USO1: variants seen among roughly 807,000 people sequenced by gnomAD.
USO1 encodes the protein USO1 vesicle transport factor, also known as general vesicular transport factor p115.
In USO1, 57 loss-of-function variants were observed where a neutral mutation model predicts 124.5. That is an observed-to-expected ratio of 0.46 (90% CI 0.37 to 0.57). The LOEUF (loss-of-function observed/expected upper bound fraction) is 0.57, where lower values mean the gene tolerates loss of function less well. USO1 is among the 20% of genes least tolerant of loss of function. The pLI is 0.00. For missense variants in USO1, 900 were observed against 1,040.6 expected, an observed-to-expected ratio of 0.86 and a Z score of 1.86; for synonymous variants, 369 against 362.8, an observed-to-expected ratio of 1.02 and a Z score of -0.19.
intron 1 of USO1, 89 bp downstream of exon 1, chr4:75,724,974 G>A (rs1210309254): frequency 6.9e-7 from 1 of 1,445,896 alleles, no homozygotes. Flanking sequence ...CACCTCCAGC[G>A]TCCCACCATG....
intron 23 of USO1, 62 bp from the exon 24 acceptor site, chr4:75,813,144 G>A: frequency 1.3e-6 from 2 of 1,537,820 alleles, no homozygotes; most frequent in Non-Finnish European, 8.7e-7. Flanking sequence ...AGTATATATT[G>A]TTAAATGTTG....
chr4:75,763,553 T>C (rs1018093422), intron 4 of USO1, among the ~76,000 whole-genome samples: 1 of 152,192 alleles, frequency 6.6e-6, no homozygotes, highest in African/African-American at 2.4e-5. Flanking sequence ...CATAACCCCA[T>C]TGTAAATTGA....
intron 22 of USO1, 116 bp from the exon 23 acceptor site, chr4:75,812,044 A>G (rs1322223346): frequency 6.8e-7 from 1 of 1,469,118 alleles, no homozygotes; most frequent in Non-Finnish European, 9.1e-7. Context: ...CTCCACCCCT[A>G]AATTCCTTAG....
chr4:75,782,395 G>C (rs1722245125), intron 8 of USO1, among the ~76,000 whole-genome samples: 2 of 152,172 alleles, frequency 1.3e-5, no homozygotes, highest in Admixed American at 1.3e-4. Flanking sequence ...CTGTAGTCTT[G>C]GTAATCATTC....
intron 1 of USO1, among the ~76,000 whole-genome samples, chr4:75,725,954 A>C (rs1487820003): frequency 6.6e-6 from 1 of 152,184 alleles, no homozygotes; most frequent in African/African-American, 2.4e-5. Flanking sequence ...AGGTGAGAGT[A>C]TTCTCACCTT....
chr4:75,784,053 A>G (rs1178884036), intron 9 of USO1, among the ~76,000 whole-genome samples: 4 of 152,204 alleles, frequency 2.6e-5, no homozygotes. Flanking sequence ...ACAGGTTCTT[A>G]CTTAGTTGCC....
chr4:75,791,701 G>T (rs751510013), intron 12 of USO1, among the ~76,000 whole-genome samples: 16 of 151,794 alleles, frequency 1.1e-4, no homozygotes, highest in Non-Finnish European at 2.1e-4. Context: ...AACTTCAAGA[G>T]CAGTTTCATA....
In USO1 at chr4:75,800,503, C is replaced by T. The variant is rs189731059; in HGVS notation, c.1682+34C>T. The T allele has an allele frequency of 1.6e-4, 234 of 1,483,504 alleles. 4 individuals carry two copies. The Middle Eastern group carries it at 2.3e-3, about 15-fold the overall frequency. The allele number at this position is 1,483,504 out of a possible 1,614,324, so 91.9% of individuals were successfully genotyped here. On this transcript the variant is annotated intron_variant, in intron 15 of 23. Coordinates refer to ENST00000514213, the MANE Select transcript of USO1 (RefSeq NM_003715.4). ...GGGGAAGATGGTTTTCTAATGGCATCAAGAGATAATGATGCTTTTTTTTTT... is the reference window on the plus strand; with the variant it reads ...GGGGAAGATGGTTTTCTAATGGCATTAAGAGATAATGATGCTTTTTTTTTT...
At chr4:75,740,624 A>G (rs1263860269) in intron 1 of USO1, among the ~76,000 whole-genome samples, 1 of 152,218 alleles carries the variant, frequency 6.6e-6, no homozygotes, top group Non-Finnish European at 1.5e-5. Context: ...TTCAGTTTTC[A>G]TGGTAACTTT....
At chr4:75,773,516 C>T (rs181041201) in intron 7 of USO1, among the ~76,000 whole-genome samples, 1 of 152,250 alleles carries the variant, frequency 6.6e-6, no homozygotes, top group East Asian at 1.9e-4. Flanking sequence ...GTCAGTAGGG[C>T]AACCAATTTT....
At chr4:75,792,241 A>T (rs1043489287) in intron 12 of USO1, among the ~76,000 whole-genome samples, 1 of 152,014 alleles carries the variant, frequency 6.6e-6, no homozygotes, top group Non-Finnish European at 1.5e-5. Flanking sequence ...CTCTACTAAA[A>T]ATACAAAAAT....
At position 75,814,275 on chromosome 4, in the gene USO1, G is replaced by C. The variant is rs893573345; in HGVS notation, c.*980G>C. On this transcript the variant is annotated 3_prime_UTR_variant, in exon 24 of 24. Coordinates refer to ENST00000514213, the MANE Select transcript of USO1 (RefSeq NM_003715.4). ...GTATTTTATTCTTAATAAAAGATGAGGCAAGTGAAAATGATGAGGCGACTT... is the reference window on the plus strand; with the variant it reads ...GTATTTTATTCTTAATAAAAGATGACGCAAGTGAAAATGATGAGGCGACTT... The C allele has an allele frequency of 2.0e-5, 3 of 152,128 alleles. No homozygotes were observed. Among genetic ancestry groups the C allele is most frequent in the African/African-American group, 7.2e-5 (3 of 41,430 alleles). The allele number at this position is 152,128 out of a possible 1,614,324, so 9.4% of individuals were successfully genotyped here.
intron 10 of USO1, 43 bp from the exon 11 acceptor site, chr4:75,790,107 C>A: frequency 1.4e-6 from 2 of 1,464,310 alleles, no homozygotes; most frequent in Non-Finnish European, 1.8e-6. Flanking sequence ...TCCTTCTTGA[C>A]TTAATTTCTC....
At chr4:75,791,451 G>A (rs1023963126) in intron 12 of USO1, among the ~76,000 whole-genome samples, 1 of 152,186 alleles carries the variant, frequency 6.6e-6, no homozygotes, top group Admixed American at 6.5e-5. Flanking sequence ...TCAAATCCTG[G>A]AGGCAGAGGT....
chr4:75,725,257 C>T (rs1044628505), intron 1 of USO1, among the ~76,000 whole-genome samples: 12 of 152,314 alleles, frequency 7.9e-5, no homozygotes, highest in African/African-American at 2.9e-4. Context: ...TTCTCTTTCG[C>T]TCGTCTGCAC....
At chr4:75,777,423 A>C (rs183628452) in intron 8 of USO1, among the ~76,000 whole-genome samples, 56 of 152,344 alleles carry the variant, frequency 3.7e-4, no homozygotes, top group Non-Finnish European at 6.5e-4. Flanking sequence ...GATGAGAAGA[A>C]AATATTTGCA....
At chr4:75,755,054 C>T (rs1311949871) in intron 3 of USO1, among the ~76,000 whole-genome samples, 2 of 152,164 alleles carry the variant, frequency 1.3e-5, no homozygotes, top group South Asian at 2.1e-4. Context: ...GGCAAGAGGC[C>T]TCAGTTCCTC....
intron 8 of USO1, among the ~76,000 whole-genome samples, chr4:75,776,423 G>A (rs62318535): frequency 7.7e-4 from 117 of 152,306 alleles, no homozygotes; most frequent in African/African-American, 2.7e-3. Context: ...TTAAATGGAA[G>A]AGGGGAAATG....
intron 7 of USO1, among the ~76,000 whole-genome samples, chr4:75,773,083 A>G (rs1464212411): frequency 6.6e-6 from 1 of 152,120 alleles, no homozygotes; most frequent in Non-Finnish European, 1.5e-5. Context: ...GGGCAACAAG[A>G]AAGTAACTCT....
Sources: gnomAD v4.1 joint callset for allele counts (sites outside exome capture counted in the v4.1 genomes callset) on GRCh38, gnomAD v4.1.1 for gene constraint, MANE v1.5 for transcripts, NCBI Gene and HGNC (gene_info 2026-07-23, HGNC 2026-07-21) for gene names.